SKAP1: variants seen among roughly 807,000 people sequenced by gnomAD.
SKAP1 encodes src kinase associated phosphoprotein 1, also known as src kinase-associated phosphoprotein 1.
SKAP1 carries 44 observed loss-of-function variants against 58.5 expected under a neutral mutation model. That is an observed-to-expected ratio of 0.75 (90% CI 0.59 to 0.97). The LOEUF (loss-of-function observed/expected upper bound fraction) is 0.97, where lower values mean the gene tolerates loss of function less well. SKAP1 is among the 50% of genes least tolerant of loss of function. SKAP1 has a pLI of 0.00. For missense variants in SKAP1, 390 were observed against 435.2 expected (o/e 0.90, Z 0.92); for synonymous variants, 127 against 149.7 (o/e 0.85, Z 1.11).
intron 3 of SKAP1, among the ~76,000 whole-genome samples, chr17:48,355,045 C>A (rs2066857321): frequency 6.6e-6 from 1 of 152,166 alleles, no homozygotes; most frequent in African/African-American, 2.4e-5. Flanking sequence ...ATAATACCTT[C>A]TAAGAGAAAT....
At chr17:48,276,607 C>A (rs1426721504) in intron 4 of SKAP1, among the ~76,000 whole-genome samples, 1 of 152,146 alleles carries the variant, frequency 6.6e-6, no homozygotes, top group East Asian at 1.9e-4. Flanking sequence ...AGCTTAATTT[C>A]TTTTGTTCCA....
chr17:48,421,644 T>A (rs983554011), intron 1 of SKAP1, among the ~76,000 whole-genome samples: 1 of 152,152 alleles, frequency 6.6e-6, no homozygotes, highest in Admixed American at 6.5e-5. Flanking sequence ...GGAACACTTA[T>A]CTTTCCTGAT....
intron 11 of SKAP1, among the ~76,000 whole-genome samples, chr17:48,153,975 T>C (rs2063937840): frequency 6.6e-6 from 1 of 152,146 alleles, no homozygotes. Context: ...ATGAGGGTTG[T>C]TGTCACATTC....
intron 4 of SKAP1, among the ~76,000 whole-genome samples, chr17:48,330,401 C>T (rs2066490100): frequency 6.6e-6 from 1 of 152,176 alleles, no homozygotes; most frequent in Admixed American, 6.5e-5. Flanking sequence ...AGGACTGCTA[C>T]TATCACTGTC....
At chr17:48,154,962 A>G (rs1465589236) in intron 11 of SKAP1, among the ~76,000 whole-genome samples, 1 of 151,396 alleles carries the variant, frequency 6.6e-6, no homozygotes, top group Non-Finnish European at 1.5e-5. Context: ...AGGGAGGTTG[A>G]GGCAGGAGAA....
intron 1 of SKAP1, among the ~76,000 whole-genome samples, chr17:48,427,686 A>T (rs2066798881): frequency 8.4e-6 from 1 of 119,202 alleles, no homozygotes; most frequent in African/African-American, 3.3e-5. Context: ...GTAGTTATAA[A>T]TAAATAAATG....
At chr17:48,145,273 T>C (rs143268438) in intron 11 of SKAP1, among the ~76,000 whole-genome samples, 5 of 152,298 alleles carry the variant, frequency 3.3e-5, no homozygotes, top group African/African-American at 4.8e-5. Flanking sequence ...CACTCCATTA[T>C]ATGGCTGTAG....
intron 4 of SKAP1, among the ~76,000 whole-genome samples, chr17:48,328,702 C>A (rs2066468057): frequency 6.6e-6 from 1 of 152,138 alleles, no homozygotes; most frequent in Admixed American, 6.5e-5. Context: ...CAGGTCACTT[C>A]CTTTCTTCCA....
the SKAP1 span, among the ~76,000 whole-genome samples, chr17:48,440,457 A>T: frequency 6.6e-6 from 1 of 152,286 alleles, no homozygotes; most frequent in South Asian, 2.1e-4. Context: ...GGGAGGTGAG[A>T]CTGTCCCTTA....
In SKAP1 at chr17:48,136,176, CTTTTT is replaced by C. The variant is rs371757135; in HGVS notation, c.*7+1048_*7+1052del. On this transcript the variant is annotated intron_variant, in intron 12 of 12. Coordinates refer to ENST00000336915, the MANE Select transcript of SKAP1 (RefSeq NM_003726.4). The stretch of plus-strand genomic sequence containing the variant: ...AGGAAGAGGGTATGCTTTTCTCTCT[CTTTTT>C]TTTTTTTCTCAAGACAGTCTTGCTC... 2.4e-5 allele frequency among the ~76,000 whole-genome samples: 3 copies of C among 127,280 alleles called. No individual in the cohort carries two copies. The South Asian group carries it at 7.2e-4, about 31-fold the overall frequency. 83.5% of individuals were successfully genotyped at this position (127,280 alleles called of 152,430 possible). A position where few individuals can be genotyped will look rare whatever the true frequency, so the allele number is the denominator to read the frequency against.
At chr17:48,171,990 G>A (rs1567804705) in intron 9 of SKAP1, among the ~76,000 whole-genome samples, 1 of 152,130 alleles carries the variant, frequency 6.6e-6, no homozygotes, top group Non-Finnish European at 1.5e-5. Flanking sequence ...AATCCAGGAG[G>A]CAGAGGTTGC....
chr17:48,237,056 A>C (rs1406350762), intron 4 of SKAP1, among the ~76,000 whole-genome samples: 1 of 152,234 alleles, frequency 6.6e-6, no homozygotes, highest in Non-Finnish European at 1.5e-5. Context: ...TACAACTATT[A>C]GGTCATGAAG....
intron 10 of SKAP1, among the ~76,000 whole-genome samples, chr17:48,169,099 G>A (rs948380680): frequency 1.3e-5 from 1 of 75,262 alleles, no homozygotes; most frequent in African/African-American, 4.3e-5. Flanking sequence ...GGAAGCATGA[G>A]GAACAAAAGG....
At chr17:48,403,311 A>G (rs903497568) in intron 1 of SKAP1, among the ~76,000 whole-genome samples, 1 of 152,042 alleles carries the variant, frequency 6.6e-6, no homozygotes, top group African/African-American at 2.4e-5. Context: ...AAGGTTGCAG[A>G]GAGCGGTGAT....
chr17:48,439,973 G>A, the SKAP1 span, among the ~76,000 whole-genome samples: 1 of 152,184 alleles, frequency 6.6e-6, no homozygotes, highest in African/African-American at 2.4e-5. Context: ...TTAGAGACAG[G>A]TGGGCCCTTT....
chr17:48,168,796 C>T (rs907146048), intron 10 of SKAP1, among the ~76,000 whole-genome samples: 3 of 152,322 alleles, frequency 2.0e-5, no homozygotes, highest in African/African-American at 4.8e-5. Context: ...GGGCTGCCTG[C>T]CCTTCCCCCA....
intron 4 of SKAP1, among the ~76,000 whole-genome samples, chr17:48,279,453 C>T (rs768394940): frequency 1.7e-4 from 26 of 152,118 alleles, no homozygotes; most frequent in African/African-American, 9.7e-5. Flanking sequence ...CAGCTCCAAT[C>T]GGATCAATGC....
At chr17:48,406,778 C>G (rs1384904729) in intron 1 of SKAP1, among the ~76,000 whole-genome samples, 1 of 152,042 alleles carries the variant, frequency 6.6e-6, no homozygotes, top group African/African-American at 2.4e-5. Context: ...GTTAGTCAGG[C>G]TGGTCTCAAA....
the SKAP1 span, among the ~76,000 whole-genome samples, chr17:48,442,828 G>A: frequency 0.029 from 4,483 of 152,218 alleles, 247 homozygotes; most frequent in African/African-American, 0.1. Context: ...CCTAAAACCA[G>A]TGATGTCATT....
Sources: allele counts gnomAD v4.1 joint callset (sites outside exome capture counted in the v4.1 genomes callset), GRCh38; gene constraint gnomAD v4.1.1; transcripts MANE v1.5; gene names NCBI Gene and HGNC (gene_info 2026-07-23, HGNC 2026-07-21).